DYNC1H1: variants seen among roughly 807,000 people sequenced by gnomAD.
DYNC1H1 encodes dynein cytoplasmic 1 heavy chain 1.
A neutral mutation model predicts 527.1 loss-of-function variants in DYNC1H1; 51 were observed. The observed-to-expected ratio is 0.10, with a 90% CI of 0.08 to 0.12. The LOEUF (loss-of-function observed/expected upper bound fraction) is 0.12. DYNC1H1 is among the 10% of genes least tolerant of loss of function. The pLI, the probability that DYNC1H1 is intolerant of heterozygous loss-of-function variation, is 1.00. For synonymous variants in DYNC1H1, 2,189 were observed against 2,278.8 expected, an observed-to-expected ratio of 0.96 and a Z score of 1.12; for missense variants, 2,771 against 5,971.8, an observed-to-expected ratio of 0.46 and a Z score of 17.66.
At chr14:102,000,223 C>G in intron 17 of DYNC1H1, 63 bp from the exon 18 acceptor site, 1 of 1,614,006 alleles carries the variant, frequency 6.2e-7, no homozygotes, top group Non-Finnish European at 8.5e-7. Flanking sequence ...TCCTCAGGGC[C>G]CTGCCAGATT....
At chr14:101,981,101 GT>G (rs2047858834) in intron 5 of DYNC1H1, among the ~76,000 whole-genome samples, 1 of 151,860 alleles carries the variant, frequency 6.6e-6, no homozygotes, top group East Asian at 1.9e-4. Context: ...GTTTTGTTTT[GT>G]TTTTTTCTTT....
At chr14:102,037,109 A>AAG in intron 57 of DYNC1H1, 1 of 201,108 alleles carries the variant, frequency 5.0e-6, no homozygotes, top group Non-Finnish European at 1.0e-5. Flanking sequence ...AAAAAAAAAA[A>AAG]ATTATATTCA....
chr14:102,005,927 T>C lies in DYNC1H1; in HGVS notation c.5473T>C (p.Leu1825=). Residue 1825 remains leucine, a synonymous_variant, in exon 27 of 78, where the codon TTG becomes CTG. Transcript: ENST00000360184. This position sits in a 1 kb window ranked among gnomAD's most constrained non-coding sequence, Gnocchi z 4.0. The part of the protein sequence containing the change: ...LVHQRDVTRS[L]IKSKIDNAKS... ...TCACCAGAGAGATGTTACAAGGTCC[T>C]TGATCAAAAGCAAGATTGACAACGC... The C allele has an allele frequency of 1.9e-6, 3 of 1,614,278 alleles. No individual in the cohort carries two copies. The South Asian group carries it at 3.3e-5, about 18-fold the overall frequency.
chr14:101,980,850 C>T (rs190214338), intron 5 of DYNC1H1, among the ~76,000 whole-genome samples: 3 of 152,318 alleles, frequency 2.0e-5, no homozygotes, highest in Admixed American at 1.3e-4. Flanking sequence ...CTCCACGAGT[C>T]GGCTGTACAA....
intron 13 of DYNC1H1, 46 bp downstream of exon 13, chr14:101,994,895 G>T: frequency 2.5e-6 from 4 of 1,614,040 alleles, no homozygotes; most frequent in African/African-American, 2.7e-5. Flanking sequence ...TAGTGTAAAA[G>T]CAACATTTCT....
chr14:102,001,711 C>G lies in DYNC1H1; in HGVS notation c.4542+30C>G, dbSNP rs1375964617. ...TGTTGCTGGGGAAGCTTTCCCTCCC[C>G]ACCAGTGGTCTCCCACGCTTTCACT... On this transcript the variant is annotated intron_variant, in intron 21 of 77. Transcript: ENST00000360184. The surrounding 1 kb of genome is among the most constrained non-coding windows in gnomAD (Gnocchi z 5.0). 15 of 1,613,412 alleles carry G rather than the reference C, an allele frequency of 9.3e-6. No homozygotes were observed. Among genetic ancestry groups the G allele is most frequent in the Non-Finnish European group, 1.3e-5 (15 of 1,180,000 alleles).
chr14:102,038,211 T>C lies in DYNC1H1; in HGVS notation c.10909-249T>C. On this transcript the variant is annotated intron_variant, in intron 57 of 77. Coordinates refer to ENST00000360184, the MANE Select transcript of DYNC1H1 (RefSeq NM_001376.5). This position sits in a 1 kb window ranked among gnomAD's most constrained non-coding sequence, Gnocchi z 7.2. Reference sequence around the variant, plus strand: ...CCAGTCTGGTCTCGAACTCCTGACCTCAAGTGATCTGCCTGCCTCAGCCTC... The same window carrying C: ...CCAGTCTGGTCTCGAACTCCTGACCCCAAGTGATCTGCCTGCCTCAGCCTC... The C allele has an allele frequency of 1.9e-6, 1 of 531,778 alleles. No individual in the cohort carries two copies. Among genetic ancestry groups the C allele is most frequent in the South Asian group, 1.9e-5 (1 of 53,108 alleles). 32.9% of individuals were successfully genotyped at this position (531,778 alleles called of 1,614,324 possible).
Position 102,038,827 on chromosome 14 carries a change from T to G in DYNC1H1, c.11185T>G (p.Ser3729Ala). Residue 3729 changes from serine (S) to alanine (A), a missense_variant, in exon 59 of 78, where the codon TCT becomes GCT. This residue lies in a region of DYNC1H1 where 283 missense variants were observed against 737.6 expected (regional missense o/e 0.38). Transcript: ENST00000360184. This position sits in a 1 kb window ranked among gnomAD's most constrained non-coding sequence, Gnocchi z 7.2. ...AERPDVDEKR[S>A]DLLKLQGEFQ... Reference sequence around the variant, plus strand: ...AAGACCTGATGTGGACGAGAAACGATCTGATCTTCTTAAACTTCAAGGTAG... The same window carrying G: ...AAGACCTGATGTGGACGAGAAACGAGCTGATCTTCTTAAACTTCAAGGTAG... 1 of 1,614,208 alleles carries G rather than the reference T, an allele frequency of 6.2e-7. No individual in the cohort carries two copies.
At position 101,984,366 on chromosome 14, in the gene DYNC1H1, A is replaced by ATT. The variant is rs397852074; in HGVS notation, c.1461+758_1461+759dup. On this transcript the variant is annotated intron_variant, in intron 7 of 77. Coordinates refer to ENST00000360184, the MANE Select transcript of DYNC1H1 (RefSeq NM_001376.5). Reference sequence around the variant, plus strand: ...TGTCTTTAAGATCTAGTGATTCTGTATTGTGTGTGTGTGTGTATATATATA... The same window carrying ATT: ...TGTCTTTAAGATCTAGTGATTCTGTATTTTGTGTGTGTGTGTGTATATATATA... Among the ~76,000 whole-genome samples, 100 of 108,380 alleles carry ATT rather than the reference A, an allele frequency of 9.2e-4. 1 individual carries two copies. The highest frequency in any genetic ancestry group is 0.013 in the Middle Eastern group (2 of 156). 71.1% of individuals were successfully genotyped at this position (108,380 alleles called of 152,430 possible). A position where few individuals can be genotyped will look rare whatever the true frequency, so the allele number is the denominator to read the frequency against.
intron 42 of DYNC1H1, 139 bp from the exon 43 acceptor site, chr14:102,022,612 A>G: frequency 8.5e-7 from 1 of 1,182,828 alleles, no homozygotes; most frequent in Non-Finnish European, 1.2e-6. Context: ...AGGTTCATCC[A>G]TGCATAGTAA....
In DYNC1H1 at chr14:102,026,722, T is replaced by A; in HGVS notation, c.8771+15T>A. On this transcript the variant is annotated intron_variant, in intron 44 of 77. Transcript: ENST00000360184. ...AGGATTGACAGGTGGGCTTTTTTGT[T>A]GTTACAGCCCCACCTCTCGCCTAAG... is the stretch of plus-strand genomic sequence containing the variant. The A allele has an allele frequency of 6.2e-7, 1 of 1,613,334 alleles. No individual in the cohort carries two copies. Among genetic ancestry groups the A allele is most frequent in the Admixed American group, 1.7e-5 (1 of 59,910 alleles).
Position 101,965,903 on chromosome 14 carries a change from A to G in DYNC1H1, c.256+956A>G, listed in dbSNP as rs2047662170. 6.6e-6 allele frequency among the ~76,000 whole-genome samples: 1 copy of G among 151,668 alleles called. No homozygotes were observed. Among genetic ancestry groups the G allele is most frequent in the Non-Finnish European group, 1.5e-5 (1 of 67,978 alleles). ...GTTCCAGCTGTCTCCTCAAATAATG[A>G]TCGCCCACCAGCAAGGTTACATTCA... is the stretch of plus-strand genomic sequence containing the variant. On this transcript the variant is annotated intron_variant, in intron 1 of 77. Coordinates refer to ENST00000360184, the MANE Select transcript of DYNC1H1 (RefSeq NM_001376.5). This position sits in a 1 kb window ranked among gnomAD's most constrained non-coding sequence, Gnocchi z 4.1.
In DYNC1H1 at chr14:102,041,479, C is replaced by T. The variant is rs949096043; in HGVS notation, c.11942-95C>T. 7 of 1,586,144 alleles carry T rather than the reference C, an allele frequency of 4.4e-6. No individual in the cohort carries two copies. In the African/African-American group the frequency reaches 9.4e-5, roughly 21 times the overall value. On this transcript the variant is annotated intron_variant, in intron 64 of 77. Coordinates refer to ENST00000360184, the MANE Select transcript of DYNC1H1 (RefSeq NM_001376.5). This position sits in a 1 kb window ranked among gnomAD's most constrained non-coding sequence, Gnocchi z 4.5. The stretch of plus-strand genomic sequence containing the variant: ...CTGATCCTGAAATGCTGAGCATTTG[C>T]TGAGTGGGTACTTTGGGAAGAACAG...
chr14:102,044,846 C>A lies in DYNC1H1; in HGVS notation c.13006+148C>A. ...TTATGCTGGGTGTGGCTCTGTCAGC[C>A]TCGGCCTTCCTGCCAGTCTCCAGCT... On this transcript the variant is annotated intron_variant, in intron 72 of 77. Coordinates refer to ENST00000360184, the MANE Select transcript of DYNC1H1 (RefSeq NM_001376.5). The surrounding 1 kb of genome is among the most constrained non-coding windows in gnomAD (Gnocchi z 7.1). 3 of 898,570 alleles carry A rather than the reference C, an allele frequency of 3.3e-6. No homozygotes were observed. Among genetic ancestry groups the A allele is most frequent in the Non-Finnish European group, 5.2e-6 (3 of 581,618 alleles). The allele number at this position is 898,570 out of a possible 1,614,324, so 55.7% of individuals were successfully genotyped here.
Position 102,017,219 on chromosome 14 carries a change from G to T in DYNC1H1, c.7980G>T (p.Val2660=), listed in dbSNP as rs2048333674. 6.2e-7 allele frequency: 1 copy of T among 1,614,252 alleles called. No homozygotes were observed. Among genetic ancestry groups the T allele is most frequent in the Non-Finnish European group, 8.5e-7 (1 of 1,180,052 alleles). The change falls in exon 39 of 78, where the codon GTG becomes GTT. Residue 2660 remains valine, a synonymous_variant. Transcript: ENST00000360184. The surrounding 1 kb of genome is among the most constrained non-coding windows in gnomAD (Gnocchi z 4.6). ...LAPVQLGKWL[V]LFCDEINLPD... ...CTGTTCAACTTGGAAAGTGGCTGGT[G>T]TTGTTCTGTGATGAAATCAACTTGC...
At chr14:102,026,961 G>A in intron 44 of DYNC1H1, 1 of 769,940 alleles carries the variant, frequency 1.3e-6, no homozygotes, top group African/African-American at 1.7e-5. Flanking sequence ...TGCTGGAATT[G>A]CATTAGTCTC....
At chr14:102,007,600 C>T (rs2048211436) in intron 28 of DYNC1H1, among the ~76,000 whole-genome samples, 1 of 152,236 alleles carries the variant, frequency 6.6e-6, no homozygotes, top group South Asian at 2.1e-4. Context: ...CTAATTTATC[C>T]TTCACAGCCA....
rs780553042 is a variant in DYNC1H1, at chr14:102,049,537, G to C, written c.13470G>C (p.Gln4490His). Residue 4490 changes from glutamine to histidine, a missense_variant, in exon 75 of 78, where the codon CAG (glutamine) becomes CAC (histidine). Coordinates refer to ENST00000360184, the MANE Select transcript of DYNC1H1 (RefSeq NM_001376.5). The surrounding 1 kb of genome is among the most constrained non-coding windows in gnomAD (Gnocchi z 5.5). ...TCAGCGAGAGGATCAAACAGCTGCA[G>C]AACATCTCACTGGCAGCTGCATCTG... ...SDFSERIKQL[Q>H]NISLAAASGG... is the part of the protein sequence containing the mutation. 7.4e-6 allele frequency: 12 copies of C among 1,614,158 alleles called. No homozygotes were observed. The highest frequency in any genetic ancestry group is 1.0e-5 in the Non-Finnish European group (12 of 1,180,034).
rs759075006 is a variant in DYNC1H1, at chr14:101,983,030, G to A, written c.973G>A (p.Ala325Thr). The A allele has an allele frequency of 5.6e-6, 9 of 1,614,170 alleles. No homozygotes were observed. The South Asian group carries it at 9.9e-5, about 18-fold the overall frequency. ...CTCTGTTAATATAGGTCTAAAACAG[G>A]CTTTGGAAACTGTGAATGACTACAA... is the stretch of plus-strand genomic sequence containing the variant. ...SFDTDTGLKQALETVNDYNPL... is the reference protein window; with the variant it reads ...SFDTDTGLKQTLETVNDYNPL... The change falls in exon 6 of 78, where the codon GCT becomes ACT. Residue 325 changes from alanine (A) to threonine (T), a missense_variant. Transcript: ENST00000360184. The surrounding 1 kb of genome is among the most constrained non-coding windows in gnomAD (Gnocchi z 5.3).
Sources: gnomAD v4.1 joint callset for allele counts (sites outside exome capture counted in the v4.1 genomes callset) on GRCh38, gnomAD v4.1.1 for gene constraint, gnomAD v4.1.1 regional missense constraint, Gnocchi (gnomAD v3.1) non-coding constraint, MANE v1.5 for transcripts, NCBI Gene and HGNC (gene_info 2026-07-23, HGNC 2026-07-21) for gene names.